GPHN: variants seen among roughly 807,000 people sequenced by gnomAD.
GPHN encodes the protein gephyrin.
A neutral mutation model predicts 95.5 loss-of-function variants in GPHN; 17 were observed. The ratio of observed to expected loss-of-function variants is 0.18; its 90% CI spans 0.12 to 0.27. The LOEUF is 0.27. GPHN is among the 10% of genes least tolerant of loss of function. The pLI, the probability that GPHN is intolerant of heterozygous loss-of-function variation, is 1.00. For synonymous variants in GPHN, 320 were observed against 322.5 expected (o/e 0.99, Z 0.08); for missense variants, 660 against 978.1 (o/e 0.67, Z 4.34).
At chr14:67,038,202 C>T (rs1304459894) in intron 10 of GPHN, among the ~76,000 whole-genome samples, 1 of 152,004 alleles carries the variant, frequency 6.6e-6, no homozygotes. Context: ...ATAAACTAAT[C>T]ACCAAAAACT....
At chr14:67,134,338 C>T (rs971891283) in intron 17 of GPHN, among the ~76,000 whole-genome samples, 2 of 152,140 alleles carry the variant, frequency 1.3e-5, no homozygotes, top group South Asian at 2.1e-4. Flanking sequence ...CTAATTCTGC[C>T]CTCCAAGCAA....
At chr14:67,189,365 C>T in the GPHN span, 1 of 152,176 alleles carries the variant, frequency 6.6e-6, no homozygotes, top group South Asian at 2.1e-4. Flanking sequence ...TATGTCAGCA[C>T]GTTATGATTA....
At chr14:67,220,159 C>A in the GPHN span, among the ~76,000 whole-genome samples, 1 of 152,102 alleles carries the variant, frequency 6.6e-6, no homozygotes. Flanking sequence ...AATTAGGCTG[C>A]GTGCAACGGC....
chr14:66,865,370 G>A (rs2063185025), intron 4 of GPHN, among the ~76,000 whole-genome samples: 1 of 151,870 alleles, frequency 6.6e-6, no homozygotes, highest in Non-Finnish European at 1.5e-5. Context: ...AATTTATGCA[G>A]TACCTACTGC....
chr14:67,370,672 A>G, the GPHN span, among the ~76,000 whole-genome samples: 308 of 152,318 alleles, frequency 2.0e-3, 1 homozygote, highest in African/African-American at 7.1e-3. Context: ...TAAAATAGAA[A>G]TTTTGAGTGT....
the GPHN span, among the ~76,000 whole-genome samples, chr14:67,710,647 CTT>C: frequency 6.6e-6 from 1 of 151,472 alleles, no homozygotes; most frequent in East Asian, 1.9e-4. Context: ...TTCCTGGTTC[CTT>C]TTACCTTGTT....
chr14:66,689,342 TATTG>T (rs2067615821), intron 2 of GPHN, among the ~76,000 whole-genome samples: 1 of 152,222 alleles, frequency 6.6e-6, no homozygotes, highest in Non-Finnish European at 1.5e-5. Context: ...GTGTCATATT[TATTG>T]ATTTGCATAT....
chr14:66,827,294 AG>A (rs1566987314), intron 4 of GPHN, among the ~76,000 whole-genome samples: 1 of 151,686 alleles, frequency 6.6e-6, no homozygotes, highest in African/African-American at 2.4e-5. Context: ...AAAAAAAAAA[AG>A]GCGGGGTGAG....
the GPHN span, among the ~76,000 whole-genome samples, chr14:67,319,175 G>C: frequency 6.6e-6 from 1 of 152,292 alleles, no homozygotes; most frequent in South Asian, 2.1e-4. Flanking sequence ...TCTGTGCCAG[G>C]CTCTGTGCTG....
intron 3 of GPHN, among the ~76,000 whole-genome samples, chr14:66,804,563 TTAA>T (rs1245125351): frequency 1.3e-5 from 2 of 152,216 alleles, no homozygotes; most frequent in East Asian, 3.8e-4. Context: ...TTTAAATGTT[TTAA>T]GAGGTTTCTG....
chr14:67,432,683 A>G, the GPHN span, among the ~76,000 whole-genome samples: 6 of 152,220 alleles, frequency 3.9e-5, no homozygotes, highest in African/African-American at 1.4e-4. Context: ...TCTCATGTTC[A>G]GGAGGACAGA....
chr14:67,209,836 A>G, the GPHN span, among the ~76,000 whole-genome samples: 1 of 151,736 alleles, frequency 6.6e-6, no homozygotes, highest in African/African-American at 2.4e-5. Context: ...AAAAAAAAAA[A>G]AAGAAACGAA....
At chr14:66,756,376 T>G (rs1199928415) in intron 2 of GPHN, among the ~76,000 whole-genome samples, 3 of 152,110 alleles carry the variant, frequency 2.0e-5, no homozygotes, top group Admixed American at 6.5e-5. Flanking sequence ...TTCCTCCATA[T>G]CCACAGGTTT....
intron 1 of GPHN, among the ~76,000 whole-genome samples, chr14:66,645,340 T>C (rs2153357722): frequency 6.6e-6 from 1 of 152,284 alleles, no homozygotes; most frequent in African/African-American, 2.4e-5. Context: ...TCTGATTTGC[T>C]TATAATACAT....
chr14:66,806,292 T>A (rs980041629), intron 3 of GPHN, among the ~76,000 whole-genome samples: 1 of 152,110 alleles, frequency 6.6e-6, no homozygotes, highest in Non-Finnish European at 1.5e-5. Flanking sequence ...AAAACCACTT[T>A]TTCCTCTTAG....
At chr14:67,108,693 T>C (rs2078182443) in intron 13 of GPHN, among the ~76,000 whole-genome samples, 1 of 150,518 alleles carries the variant, frequency 6.6e-6, no homozygotes, top group Admixed American at 6.7e-5. Context: ...TATTTTTTTT[T>C]CTTAACCATT....
chr14:67,232,592 CCTT>C, the GPHN span, among the ~76,000 whole-genome samples: 1 of 152,118 alleles, frequency 6.6e-6, no homozygotes, highest in Non-Finnish European at 1.5e-5. Flanking sequence ...AAGAGCTTGT[CCTT>C]CTGTGTATAT....
intron 8 of GPHN, among the ~76,000 whole-genome samples, chr14:66,925,534 G>A (rs1225535430): frequency 1.3e-5 from 2 of 151,972 alleles, no homozygotes; most frequent in African/African-American, 4.8e-5. Context: ...TGCAAAGTTT[G>A]TCTTTTTGTG....
chr14:67,221,962 T>C, the GPHN span: 4 of 883,536 alleles, frequency 4.5e-6, no homozygotes, highest in Non-Finnish European at 6.6e-6. Flanking sequence ...CTGAGAATCC[T>C]ATACTGAAGA....
Sources: gnomAD v4.1 joint callset for allele counts (sites outside exome capture counted in the v4.1 genomes callset) on GRCh38, gnomAD v4.1.1 for gene constraint, MANE v1.5 for transcripts, NCBI Gene and HGNC (gene_info 2026-07-23, HGNC 2026-07-21) for gene names.